Variants in USP15 observed in about 807,000 individuals in gnomAD.
The protein encoded by USP15 is ubiquitin carboxyl-terminal hydrolase 15.
USP15 carries 18 observed loss-of-function variants against 127.1 expected under a neutral mutation model. That is an observed-to-expected ratio of 0.14 (90% confidence interval 0.10 to 0.21). The LOEUF (loss-of-function observed/expected upper bound fraction) is 0.21, where lower values mean the gene tolerates loss of function less well. Ranked by LOEUF, USP15 falls within the 10% of genes least tolerant of loss-of-function variation. USP15 has a pLI of 1.00. For missense variants in USP15, 805 were observed against 1,159.9 expected (o/e 0.69, Z 4.44); for synonymous variants, 364 against 393.7 (o/e 0.92, Z 0.89).
At chr12:62,391,723 G>C in intron 16 of USP15, 93 bp from the exon 17 acceptor site, 3 of 1,136,406 alleles carry the variant, frequency 2.6e-6, no homozygotes, top group Admixed American at 3.1e-5. Flanking sequence ...AAAGATTGCT[G>C]TTTGTTTATT....
chr12:62,385,335 C>T lies in USP15; in HGVS notation c.1473+1033C>T, dbSNP rs983005594. Among the ~76,000 whole-genome samples, 5 of 151,926 alleles carry T rather than the reference C, an allele frequency of 3.3e-5. No individual in the cohort carries two copies. In the East Asian group the frequency reaches 5.8e-4, roughly 18 times the overall value. The stretch of plus-strand genomic sequence containing the variant: ...TCAGTTTGTTAGTGCATAATAGTCA[C>T]GATGTCTATATGAAAGCTATATTTG... On this transcript the variant is annotated intron_variant, in intron 11 of 21. Coordinates refer to ENST00000280377, the MANE Select transcript of USP15 (RefSeq NM_001252078.2).
intron 1 of USP15, among the ~76,000 whole-genome samples, chr12:62,266,723 A>C (rs933968512): frequency 7.9e-5 from 12 of 152,162 alleles, no homozygotes; most frequent in Non-Finnish European, 4.4e-5. Context: ...CCTCAAAAGA[A>C]GGACCAAAAT....
At chr12:62,396,466 G>C in intron 20 of USP15, 68 bp downstream of exon 20, 1 of 1,287,698 alleles carries the variant, frequency 7.8e-7, no homozygotes, top group Non-Finnish European at 1.1e-6. Context: ...TTTTCTTTAA[G>C]ATATTTATTA....
chr12:62,293,759 C>A (rs1056027339), intron 1 of USP15, among the ~76,000 whole-genome samples: 1 of 152,156 alleles, frequency 6.6e-6, no homozygotes, highest in African/African-American at 2.4e-5. Flanking sequence ...AACCTTGCAA[C>A]CCTTGATAAC....
chr12:62,397,552 CT>C (rs543582903), intron 20 of USP15, among the ~76,000 whole-genome samples: 21 of 148,004 alleles, frequency 1.4e-4, no homozygotes, highest in African/African-American at 3.2e-4. Context: ...TTCTTTTTCT[CT>C]TTTTTTTTTA....
chr12:62,310,745 G>A (rs971838942), intron 3 of USP15, among the ~76,000 whole-genome samples: 30 of 150,768 alleles, frequency 2.0e-4, no homozygotes, highest in Admixed American at 1.8e-3. Flanking sequence ...GTAGATATGC[G>A]GTAGTAGGAT....
intron 8 of USP15, among the ~76,000 whole-genome samples, chr12:62,361,939 A>G (rs1475936092): frequency 6.6e-6 from 1 of 152,052 alleles, no homozygotes; most frequent in African/African-American, 2.4e-5. Flanking sequence ...ATATAAACCC[A>G]TATTAAAACA....
At chr12:62,269,596 T>C (rs937495040) in intron 1 of USP15, among the ~76,000 whole-genome samples, 1 of 151,974 alleles carries the variant, frequency 6.6e-6, no homozygotes, top group Non-Finnish European at 1.5e-5. Flanking sequence ...TATTTTTATT[T>C]TTTTGTAGAA....
chr12:62,409,626 A>G lies in USP15; in HGVS notation c.*5251A>G, dbSNP rs1454088580. On this transcript the variant is annotated 3_prime_UTR_variant, in exon 22 of 22. Coordinates refer to ENST00000280377, the MANE Select transcript of USP15 (RefSeq NM_001252078.2). Reference sequence around the variant, plus strand: ...TCTATATAGTTTGGTGAAACAAACAAAACAGTTTTTATCTGCTGTGACATT... The same window carrying G: ...TCTATATAGTTTGGTGAAACAAACAGAACAGTTTTTATCTGCTGTGACATT... 2 of 152,178 alleles carry G rather than the reference A, an allele frequency of 1.3e-5. No individual in the cohort carries two copies. The highest frequency in any genetic ancestry group is 3.8e-4 in the East Asian group (2 of 5,196). 9.4% of individuals were successfully genotyped at this position (152,178 alleles called of 1,614,324 possible). A position where few individuals can be genotyped will look rare whatever the true frequency, so the allele number is the denominator to read the frequency against.
At chr12:62,369,887 A>G (rs1356636399) in intron 8 of USP15, among the ~76,000 whole-genome samples, 1 of 152,196 alleles carries the variant, frequency 6.6e-6, no homozygotes, top group African/African-American at 2.4e-5. Flanking sequence ...ATAACATACC[A>G]AAAATATATG....
At chr12:62,354,879 T>C (rs2066070432) in intron 7 of USP15, 1 of 152,108 alleles carries the variant, frequency 6.6e-6, no homozygotes, top group Admixed American at 6.6e-5. Flanking sequence ...CTTGGAAATC[T>C]CTGCTCTTAC....
At chr12:62,308,834 A>AG in intron 3 of USP15, among the ~76,000 whole-genome samples, 1 of 152,268 alleles carries the variant, frequency 6.6e-6, no homozygotes, top group South Asian at 2.1e-4. Flanking sequence ...AGTAACAAAG[A>AG]GATAACCTGA....
Position 62,390,875 on chromosome 12 carries a change from A to C in USP15, c.1856A>C (p.Lys619Thr). 6.2e-7 allele frequency: 1 copy of C among 1,609,928 alleles called. No individual in the cohort carries two copies. Among genetic ancestry groups the C allele is most frequent in the Non-Finnish European group, 8.5e-7 (1 of 1,177,398 alleles). ...LLLLRMCRYVKISTETEETEG... is the reference protein window; with the variant it reads ...LLLLRMCRYVTISTETEETEG... ...TGATTTTACTTAAGCCGATATGTCA[A>C]AATATCTACTGAAACTGAAGAAACT... The change falls in exon 15 of 22, where the codon AAA becomes ACA. Residue 619 changes from lysine (K) to threonine (T), a missense_variant. By Grantham distance (78) the Lys-to-Thr change is moderately conservative. Coordinates refer to ENST00000280377, the MANE Select transcript of USP15 (RefSeq NM_001252078.2).
In USP15 at chr12:62,373,139, AT is replaced by A. The variant is rs1281108991; in HGVS notation, c.916-8343del. ...TGTCATAAGTGAATCCTCTATCCAT[AT>A]TTTTTTTGGCTTTCAATATGAAAAT... On this transcript the variant is annotated intron_variant, in intron 8 of 21. Coordinates refer to ENST00000280377, the MANE Select transcript of USP15 (RefSeq NM_001252078.2). 5.3e-5 allele frequency among the ~76,000 whole-genome samples: 8 copies of A among 151,680 alleles called. No homozygotes were observed. The South Asian group carries it at 1.0e-3, about 20-fold the overall frequency.
At chr12:62,277,070 G>A (rs1200936797) in intron 1 of USP15, among the ~76,000 whole-genome samples, 1 of 152,030 alleles carries the variant, frequency 6.6e-6, no homozygotes. Flanking sequence ...ATGTGAAGAT[G>A]TATCTATACA....
chr12:62,298,830 CAAAAA>C (rs1163091790), intron 2 of USP15, among the ~76,000 whole-genome samples: 2 of 65,044 alleles, frequency 3.1e-5, no homozygotes, highest in African/African-American at 6.2e-5. Context: ...CCCTGTCTTG[CAAAAA>C]AAAAAAAAAA....
intron 6 of USP15, chr12:62,335,421 G>A (rs2065431053): frequency 7.3e-7 from 1 of 1,378,958 alleles, no homozygotes; most frequent in Non-Finnish European, 9.3e-7. Flanking sequence ...TACTTTACCT[G>A]TCGACCACAT....
Position 62,380,139 on chromosome 12 carries a change from A to G in USP15, c.916-1351A>G, listed in dbSNP as rs564008343. ...ATTATTTTCGTTGCCTAAGAATTAT[A>G]TAATCGTAAATTCCATGATATTATA... On this transcript the variant is annotated intron_variant, in intron 8 of 21. Transcript: ENST00000280377. Among the ~76,000 whole-genome samples, 12 of 152,160 alleles carry G rather than the reference A, an allele frequency of 7.9e-5. No individual in the cohort carries two copies. In the South Asian group the frequency reaches 2.1e-3, roughly 26 times the overall value.
chr12:62,325,833 GT>G, intron 5 of USP15, 38 bp from the exon 6 acceptor site: 1 of 1,541,186 alleles, frequency 6.5e-7, no homozygotes, highest in South Asian at 1.2e-5. Context: ...TAACTTCAGA[GT>G]TATGGAAAAA....
Sources: gnomAD v4.1 joint callset for allele counts (sites outside exome capture counted in the v4.1 genomes callset) on GRCh38, gnomAD v4.1.1 for gene constraint, MANE v1.5 for transcripts, NCBI Gene and HGNC (gene_info 2026-07-23, HGNC 2026-07-21) for gene names.